SLIT3: variants seen among roughly 807,000 people sequenced by gnomAD.
The protein encoded by SLIT3 is slit homolog 3 protein.
A neutral mutation model predicts 184.0 loss-of-function variants in SLIT3; 68 were observed. The observed-to-expected ratio is 0.37, with a 90% CI of 0.30 to 0.45. SLIT3 has a LOEUF of 0.45. Among genes scored for constraint, SLIT3 ranks in the 20% least tolerant of loss-of-function variants. The pLI is 1.00. For missense variants in SLIT3, 1,707 were observed against 2,026.0 expected (o/e 0.84, Z 3.02); for synonymous variants, 831 against 828.6 (o/e 1.00, Z -0.05).
chr5:169,208,920 A>G (rs1764162683), intron 3 of SLIT3, among the ~76,000 whole-genome samples: 2 of 151,468 alleles, frequency 1.3e-5, no homozygotes, highest in African/African-American at 4.8e-5. Flanking sequence ...CTAAAACACC[A>G]AAAGCAATGG....
chr5:168,772,768 G>C lies in SLIT3; in HGVS notation c.1459+13C>G. 1.2e-6 allele frequency: 2 copies of C among 1,614,042 alleles called. No individual in the cohort carries two copies. Among genetic ancestry groups the C allele is most frequent in the South Asian group, 2.2e-5 (2 of 91,080 alleles). ...GAGTCAGAAAGCGGGGCCCAGCCCC[G>C]TAACCTGATTACCTGAGCAGCGGAA... On this transcript the variant is annotated intron_variant, in intron 14 of 35. Coordinates refer to ENST00000519560, the MANE Select transcript of SLIT3 (RefSeq NM_003062.4).
chr5:169,197,396 C>T (rs1025970726), intron 3 of SLIT3, among the ~76,000 whole-genome samples: 2 of 152,116 alleles, frequency 1.3e-5, no homozygotes, highest in African/African-American at 4.8e-5. Context: ...GAAAGTCTTC[C>T]TTGAAAAGAT....
Position 168,669,905 on chromosome 5 carries a change from T to C in SLIT3, c.4214A>G (p.Lys1405Arg), listed in dbSNP as rs772806151. ...TGAGCAGGCATTGGCAGAGTCATTC[T>C]TGTTGTCACACAAGTCCCCTCCATA... ...EGYGGDLCDN[K>R]NDSANACSAF... is the part of the protein sequence containing the mutation. Residue 1405 changes from lysine to arginine, a missense_variant, in exon 35 of 36, where the codon AAG (lysine) becomes AGG (arginine). Physicochemically the swap from Lys to Arg is conservative, Grantham distance 26. Transcript: ENST00000519560. 2 of 1,614,242 alleles carry C rather than the reference T, an allele frequency of 1.2e-6. No homozygotes were observed. Among genetic ancestry groups the C allele is most frequent in the Non-Finnish European group, 1.7e-6 (2 of 1,180,038 alleles).
At chr5:168,826,576 C>T (rs1316061055) in intron 6 of SLIT3, among the ~76,000 whole-genome samples, 1 of 152,214 alleles carries the variant, frequency 6.6e-6, no homozygotes, top group Non-Finnish European at 1.5e-5. Context: ...CACTTACAGC[C>T]TATGCAACCA....
chr5:169,108,812 G>A (rs1261115350), intron 4 of SLIT3, among the ~76,000 whole-genome samples: 1 of 152,192 alleles, frequency 6.6e-6, no homozygotes, highest in African/African-American at 2.4e-5. Flanking sequence ...TGTCTGCCTT[G>A]TTCTCCACTG....
chr5:168,770,976 C>T (rs1267045634), intron 14 of SLIT3, among the ~76,000 whole-genome samples: 2 of 152,028 alleles, frequency 1.3e-5, no homozygotes, highest in African/African-American at 4.8e-5. Flanking sequence ...TTGGATCCTG[C>T]ACTCTTTCCC....
intron 4 of SLIT3, chr5:169,026,484 TCATGA>T (rs1756828228): frequency 6.6e-6 from 1 of 152,140 alleles, no homozygotes; most frequent in Non-Finnish European, 1.5e-5. Flanking sequence ...ACTAAGTGAA[TCATGA>T]CACAACCACA....
intron 5 of SLIT3, among the ~76,000 whole-genome samples, chr5:168,847,499 T>C (rs1218827427): frequency 6.6e-6 from 1 of 152,140 alleles, no homozygotes; most frequent in Non-Finnish European, 1.5e-5. Context: ...CTCTTACATC[T>C]CCATGGCACC....
chr5:168,846,990 AAC>A (rs1328946835), intron 5 of SLIT3, among the ~76,000 whole-genome samples: 1 of 152,228 alleles, frequency 6.6e-6, no homozygotes, highest in African/African-American at 2.4e-5. Context: ...TAAAAGACTA[AAC>A]ACACACTAGT....
chr5:168,839,908 C>CTAGCCAGGGCCAGGCCTAGGGT (rs1758184659), intron 6 of SLIT3, among the ~76,000 whole-genome samples: 1 of 151,798 alleles, frequency 6.6e-6, no homozygotes, highest in Non-Finnish European at 1.5e-5. Context: ...GGCAAGTCTC[C>CTAGCCAGGGCCAGGCCTAGGGT]TAGCCAGGGC....
chr5:169,034,033 TG>T (rs1299439498), intron 4 of SLIT3, among the ~76,000 whole-genome samples: 2 of 152,068 alleles, frequency 1.3e-5, no homozygotes. Context: ...AGGATGGTCT[TG>T]ATCTCTTGAC....
intron 15 of SLIT3, 43 bp from the exon 16 acceptor site, chr5:168,760,979 G>C (rs752532218): frequency 1.4e-6 from 2 of 1,449,856 alleles, no homozygotes; most frequent in Admixed American, 3.3e-5. Flanking sequence ...CTGTGGACGA[G>C]GCCCCTCCTT....
At chr5:169,235,176 CCTAA>C (rs1402380739) in intron 3 of SLIT3, among the ~76,000 whole-genome samples, 1 of 152,112 alleles carries the variant, frequency 6.6e-6, no homozygotes, top group Non-Finnish European at 1.5e-5. Flanking sequence ...AACCTCTTTG[CCTAA>C]CTCTCACTTT....
intron 3 of SLIT3, 48 bp from the exon 4 acceptor site, chr5:169,193,598 A>G: frequency 1.5e-6 from 2 of 1,371,066 alleles, no homozygotes; most frequent in South Asian, 1.2e-5. Context: ...ATTAAACCAG[A>G]TCAAACGTAT....
At chr5:169,227,999 T>G (rs1425044663) in intron 3 of SLIT3, among the ~76,000 whole-genome samples, 1 of 152,194 alleles carries the variant, frequency 6.6e-6, no homozygotes, top group East Asian at 1.9e-4. Context: ...GAGAAACATG[T>G]CTAAGTAAGT....
intron 8 of SLIT3, among the ~76,000 whole-genome samples, chr5:168,815,341 G>A (rs544626276): frequency 3.5e-4 from 53 of 152,290 alleles, no homozygotes; most frequent in Middle Eastern, 3.4e-3. Context: ...ACCTTTGACA[G>A]GAAGGTGCTC....
intron 3 of SLIT3, among the ~76,000 whole-genome samples, chr5:169,243,417 A>G (rs555363684): frequency 1.3e-5 from 2 of 151,820 alleles, no homozygotes; most frequent in South Asian, 4.1e-4. Flanking sequence ...GTGTAAACAG[A>G]GACAACATTC....
chr5:168,969,963 TGAGGTCAG>T (rs910502882), intron 4 of SLIT3, among the ~76,000 whole-genome samples: 35 of 151,760 alleles, frequency 2.3e-4, no homozygotes, highest in Non-Finnish European at 4.3e-4. Flanking sequence ...CGGTGGATCA[TGAGGTCAG>T]GAGATCGAGA....
intron 4 of SLIT3, among the ~76,000 whole-genome samples, chr5:169,150,316 C>G (rs1235726674): frequency 6.6e-6 from 1 of 152,122 alleles, no homozygotes; most frequent in South Asian, 2.1e-4. Flanking sequence ...TTGCCATGAT[C>G]TGGTCTAGGC....
Sources: gnomAD v4.1 joint callset for allele counts (sites outside exome capture counted in the v4.1 genomes callset) on GRCh38, gnomAD v4.1.1 for gene constraint, MANE v1.5 for transcripts, NCBI Gene and HGNC (gene_info 2026-07-23, HGNC 2026-07-21) for gene names.